The following NEGR1 variants were observed in gnomAD, a reference collection of about 807,000 sequenced individuals.
The protein encoded by NEGR1 is neuronal growth regulator 1.
In NEGR1, 10 loss-of-function variants were observed where a neutral mutation model predicts 40.9. The ratio of observed to expected loss-of-function variants is 0.24; its 90% CI spans 0.15 to 0.42. The LOEUF is 0.42. NEGR1 is among the 10% of genes least tolerant of loss of function. The pLI, the probability that NEGR1 is intolerant of heterozygous loss-of-function variation, is 1.00. For synonymous variants in NEGR1, 185 were observed against 166.8 expected (o/e 1.11, Z -0.84); for missense variants, 352 against 438.9 (o/e 0.80, Z 1.77).
intron 1 of NEGR1, among the ~76,000 whole-genome samples, chr1:72,142,957 G>C (rs997318109): frequency 6.6e-5 from 10 of 151,820 alleles, no homozygotes; most frequent in African/African-American, 2.2e-4. Flanking sequence ...GGATGTGTAA[G>C]GTCATTCCTT....
chr1:72,259,521 T>C (rs545690177), intron 1 of NEGR1, among the ~76,000 whole-genome samples: 6 of 152,214 alleles, frequency 3.9e-5, no homozygotes, highest in African/African-American at 1.4e-4. Context: ...TAAATTATGA[T>C]AGTGGTTTTT....
chr1:71,669,440 TTATTA>T (rs1652344635), intron 4 of NEGR1, among the ~76,000 whole-genome samples: 1 of 152,130 alleles, frequency 6.6e-6, no homozygotes. Flanking sequence ...GTAGCTATTT[TTATTA>T]TATTATTCTT....
chr1:71,800,566 T>C (rs1269387414), intron 2 of NEGR1, among the ~76,000 whole-genome samples: 1 of 152,200 alleles, frequency 6.6e-6, no homozygotes, highest in Non-Finnish European at 1.5e-5. Context: ...CCCTTTTCCT[T>C]ATCCCTGTAA....
chr1:71,580,476 A>G (rs1176841772), intron 6 of NEGR1, among the ~76,000 whole-genome samples: 1 of 152,136 alleles, frequency 6.6e-6, no homozygotes, highest in Non-Finnish European at 1.5e-5. Context: ...TAAAAATAAA[A>G]AAAAAGAAAT....
intron 6 of NEGR1, among the ~76,000 whole-genome samples, chr1:71,449,223 A>G (rs1171393199): frequency 6.6e-6 from 1 of 152,236 alleles, no homozygotes; most frequent in East Asian, 1.9e-4. Context: ...TCAATCATTC[A>G]TATGAAAATT....
chr1:71,473,028 T>G (rs541048015), intron 6 of NEGR1, among the ~76,000 whole-genome samples: 1 of 151,980 alleles, frequency 6.6e-6, no homozygotes, highest in Non-Finnish European at 1.5e-5. Flanking sequence ...TGTATCTGAA[T>G]ATATGTGTAG....
chr1:71,509,279 C>A (rs1422346921), intron 6 of NEGR1, among the ~76,000 whole-genome samples: 1 of 152,172 alleles, frequency 6.6e-6, no homozygotes, highest in African/African-American at 2.4e-5. Context: ...ATGGGGAAAT[C>A]AGACTTGTAA....
chr1:71,773,106 G>C (rs952686939), intron 3 of NEGR1, among the ~76,000 whole-genome samples: 1 of 152,134 alleles, frequency 6.6e-6, no homozygotes, highest in Admixed American at 6.5e-5. Context: ...CCCCAGTGAT[G>C]TTTGTGATGT....
chr1:71,639,728 C>T (rs1315693836), intron 4 of NEGR1, among the ~76,000 whole-genome samples: 1 of 151,928 alleles, frequency 6.6e-6, no homozygotes, highest in Non-Finnish European at 1.5e-5. Flanking sequence ...TGGTATAGGC[C>T]CAACATGGGC....
intron 1 of NEGR1, among the ~76,000 whole-genome samples, chr1:71,936,009 G>A (rs1645901966): frequency 6.6e-6 from 1 of 152,102 alleles, no homozygotes. Flanking sequence ...GTGTTGGCCA[G>A]ACTGGTCTTG....
chr1:71,922,235 G>T (rs1479582795), intron 2 of NEGR1, among the ~76,000 whole-genome samples: 1 of 152,070 alleles, frequency 6.6e-6, no homozygotes, highest in Non-Finnish European at 1.5e-5. Flanking sequence ...GTGACAATAA[G>T]AGAGAGGAAA....
chr1:71,424,063 C>T (rs533059573), intron 6 of NEGR1, among the ~76,000 whole-genome samples: 8 of 143,484 alleles, frequency 5.6e-5, no homozygotes, highest in East Asian at 2.1e-4. Flanking sequence ...AACTGTCAGA[C>T]GCTAATAGTT....
chr1:71,953,047 A>G (rs751232439), intron 1 of NEGR1, among the ~76,000 whole-genome samples: 1 of 151,884 alleles, frequency 6.6e-6, no homozygotes, highest in Non-Finnish European at 1.5e-5. Flanking sequence ...TGGAGAATGT[A>G]CAAGAAGATT....
intron 6 of NEGR1, among the ~76,000 whole-genome samples, chr1:71,502,445 G>A (rs967037453): frequency 1.3e-5 from 2 of 152,054 alleles, no homozygotes; most frequent in Admixed American, 6.5e-5. Context: ...TTGCAAGATC[G>A]CCATTAAAAG....
intron 2 of NEGR1, among the ~76,000 whole-genome samples, chr1:71,833,832 C>T (rs1477185377): frequency 2.0e-5 from 3 of 152,060 alleles, no homozygotes; most frequent in Non-Finnish European, 2.9e-5. Flanking sequence ...TTAGAACCAG[C>T]GCACTCTCAC....
intron 2 of NEGR1, among the ~76,000 whole-genome samples, chr1:71,933,004 A>G (rs1645869451): frequency 6.6e-6 from 1 of 152,132 alleles, no homozygotes; most frequent in African/African-American, 2.4e-5. Context: ...CTAATAAGTA[A>G]TTATGTTCAT....
At chr1:71,745,901 G>A (rs1235903669) in intron 3 of NEGR1, among the ~76,000 whole-genome samples, 1 of 152,082 alleles carries the variant, frequency 6.6e-6, no homozygotes, top group African/African-American at 2.4e-5. Flanking sequence ...TGGCCATAAA[G>A]TAATTAAGAT....
intron 2 of NEGR1, among the ~76,000 whole-genome samples, chr1:71,793,347 G>A (rs550769618): frequency 1.7e-5 from 1 of 58,354 alleles, no homozygotes; most frequent in Non-Finnish European, 3.8e-5. Flanking sequence ...CCGACCTTGT[G>A]ATCTGCCCGC....
chr1:72,159,669 T>TA (rs1256252881), intron 1 of NEGR1, among the ~76,000 whole-genome samples: 1 of 152,172 alleles, frequency 6.6e-6, no homozygotes, highest in Admixed American at 6.6e-5. Flanking sequence ...ACTTTCTTTG[T>TA]GTCTGATACC....
Sources: allele counts gnomAD v4.1 joint callset (sites outside exome capture counted in the v4.1 genomes callset), GRCh38; gene constraint gnomAD v4.1.1; transcripts MANE v1.5; gene names NCBI Gene and HGNC (gene_info 2026-07-23, HGNC 2026-07-21).